Variants in KCTD16 observed in about 807,000 individuals in gnomAD.
The protein encoded by KCTD16 is BTB/POZ domain-containing protein KCTD16.
A neutral mutation model predicts 33.2 loss-of-function variants in KCTD16; 13 were observed. The observed-to-expected ratio is 0.39, with a 90% CI of 0.25 to 0.62. KCTD16 has a LOEUF of 0.62. KCTD16 is among the 20% of genes least tolerant of loss of function. The pLI is 0.50. For missense variants in KCTD16, 441 were observed against 525.1 expected, an observed-to-expected ratio of 0.84 and a Z score of 1.57; for synonymous variants, 197 against 195.3, an observed-to-expected ratio of 1.01 and a Z score of -0.07.
intron 3 of KCTD16, among the ~76,000 whole-genome samples, chr5:144,289,456 TCTG>T (rs1755835292): frequency 6.6e-6 from 1 of 152,210 alleles, no homozygotes; most frequent in South Asian, 2.1e-4. Context: ...CTTTCTTTTG[TCTG>T]CCTGGGAAAC....
intron 3 of KCTD16, among the ~76,000 whole-genome samples, chr5:144,331,985 T>C (rs1752374165): frequency 6.6e-6 from 1 of 152,168 alleles, no homozygotes; most frequent in African/African-American, 2.4e-5. Context: ...TATAGAAAGA[T>C]GGCAGAAATT....
chr5:144,459,817 A>G (rs1754151703), intron 3 of KCTD16, among the ~76,000 whole-genome samples: 1 of 144,526 alleles, frequency 6.9e-6, no homozygotes, highest in South Asian at 2.2e-4. Flanking sequence ...TCCCTCTCCA[A>G]TATCATCTTT....
At chr5:144,373,754 A>G (rs1752021441) in intron 3 of KCTD16, among the ~76,000 whole-genome samples, 1 of 152,256 alleles carries the variant, frequency 6.6e-6, no homozygotes, top group African/African-American at 2.4e-5. Flanking sequence ...ATAGGCATTT[A>G]CAAATGGCAA....
At chr5:144,463,881 T>C (rs1754259182) in intron 3 of KCTD16, among the ~76,000 whole-genome samples, 1 of 152,218 alleles carries the variant, frequency 6.6e-6, no homozygotes, top group Non-Finnish European at 1.5e-5. Context: ...ACATAGGCTC[T>C]GCCTATATGG....
At chr5:144,209,959 GCAAT>G in intron 3 of KCTD16, among the ~76,000 whole-genome samples, 1 of 149,790 alleles carries the variant, frequency 6.7e-6, no homozygotes, top group South Asian at 2.1e-4. Context: ...AACAATTTAA[GCAAT>G]CAGTCTTTTT....
rs767191472 is a variant in KCTD16 at position 144,475,338 on chromosome 5, A to T, written c.*1224A>T. On this transcript the variant is annotated 3_prime_UTR_variant, in exon 4 of 4. Coordinates refer to ENST00000512467, the MANE Select transcript of KCTD16 (RefSeq NM_020768.4). The stretch of plus-strand genomic sequence containing the variant: ...GGGCTTTGGCTGTGCCCATGCTAGG[A>T]TTTAGCTGTGTCATTTTTATGATGT... The T allele has an allele frequency of 8.5e-5, 13 of 152,172 alleles. No homozygotes were observed. Among genetic ancestry groups the T allele is most frequent in the Admixed American group, 3.9e-4 (6 of 15,280 alleles). 9.4% of individuals were successfully genotyped at this position (152,172 alleles called of 1,614,324 possible). A position where few individuals can be genotyped will look rare whatever the true frequency, so the allele number is the denominator to read the frequency against.
At chr5:144,388,766 A>G (rs1429474947) in intron 3 of KCTD16, among the ~76,000 whole-genome samples, 1 of 152,226 alleles carries the variant, frequency 6.6e-6, no homozygotes, top group Non-Finnish European at 1.5e-5. Context: ...TATATATTCT[A>G]TATCCATTCA....
chr5:144,319,109 G>T (rs1046467890), intron 3 of KCTD16, among the ~76,000 whole-genome samples: 4 of 151,872 alleles, frequency 2.6e-5, no homozygotes, highest in African/African-American at 7.2e-5. Flanking sequence ...TTATTGGAAT[G>T]AATAAATAAA....
At chr5:144,211,416 A>G (rs1326921174) in intron 3 of KCTD16, among the ~76,000 whole-genome samples, 2 of 152,140 alleles carry the variant, frequency 1.3e-5, no homozygotes, top group African/African-American at 4.8e-5. Flanking sequence ...AATGATTCAA[A>G]ATCCAGGACT....
At chr5:144,343,022 A>T (rs1007599488) in intron 3 of KCTD16, among the ~76,000 whole-genome samples, 2 of 152,140 alleles carry the variant, frequency 1.3e-5, no homozygotes, top group African/African-American at 4.8e-5. Context: ...TTCATCAAGG[A>T]TATTGGTCTA....
At chr5:144,451,799 A>G (rs1010768247) in intron 3 of KCTD16, among the ~76,000 whole-genome samples, 1 of 152,140 alleles carries the variant, frequency 6.6e-6, no homozygotes, top group Admixed American at 6.6e-5. Flanking sequence ...GCAATTTGGA[A>G]CTGGGGTTTC....
At chr5:144,462,840 G>C (rs971365762) in intron 3 of KCTD16, among the ~76,000 whole-genome samples, 1 of 152,136 alleles carries the variant, frequency 6.6e-6, no homozygotes. Context: ...GTTAACACTC[G>C]AAAGCCTGTG....
chr5:144,283,990 G>T (rs1429942837), intron 3 of KCTD16, among the ~76,000 whole-genome samples: 1 of 152,124 alleles, frequency 6.6e-6, no homozygotes, highest in Non-Finnish European at 1.5e-5. Context: ...AAATTATTCA[G>T]CCAGGAACCT....
At chr5:144,383,171 G>A (rs1187588347) in intron 3 of KCTD16, 1 of 152,192 alleles carries the variant, frequency 6.6e-6, no homozygotes, top group Admixed American at 6.5e-5. Context: ...ACGCATAGTT[G>A]AAGGGGACCT....
intron 3 of KCTD16, among the ~76,000 whole-genome samples, chr5:144,412,496 T>C (rs1752953936): frequency 6.6e-6 from 1 of 152,082 alleles, no homozygotes; most frequent in Admixed American, 6.6e-5. Context: ...AAGGAGTAGA[T>C]TGGTGCTTAT....
At chr5:144,467,089 A>ATATAT (rs1294451499) in intron 3 of KCTD16, among the ~76,000 whole-genome samples, 1 of 139,820 alleles carries the variant, frequency 7.2e-6, no homozygotes, top group Non-Finnish European at 1.5e-5. Context: ...ATAGTGTTAT[A>ATATAT]TATATTATAT....
chr5:144,226,941 C>T (rs1008374156), intron 3 of KCTD16, among the ~76,000 whole-genome samples: 10 of 152,128 alleles, frequency 6.6e-5, no homozygotes, highest in Non-Finnish European at 1.3e-4. Flanking sequence ...AGGCTTTATG[C>T]TAAGGGTTTT....
chr5:144,222,636 G>T (rs1753795520), intron 3 of KCTD16, among the ~76,000 whole-genome samples: 1 of 152,100 alleles, frequency 6.6e-6, no homozygotes, highest in Non-Finnish European at 1.5e-5. Context: ...AAAAAGTCAG[G>T]AAACGACAGG....
chr5:144,427,398 C>T (rs1018854144), intron 3 of KCTD16, among the ~76,000 whole-genome samples: 15 of 152,016 alleles, frequency 9.9e-5, no homozygotes, highest in Non-Finnish European at 1.8e-4. Context: ...TTTGGAGACT[C>T]AGGGTCATAT....
Sources: allele counts gnomAD v4.1 joint callset (sites outside exome capture counted in the v4.1 genomes callset), GRCh38; gene constraint gnomAD v4.1.1; transcripts MANE v1.5; gene names NCBI Gene and HGNC (gene_info 2026-07-23, HGNC 2026-07-21).